The following FRMD5 variants were observed in gnomAD, a reference collection of about 807,000 sequenced individuals.
FRMD5 encodes FERM domain containing 5, also known as FERM domain-containing protein 5.
Under a neutral mutation model 69.0 loss-of-function variants are expected in FRMD5, and 20 were observed. The observed-to-expected ratio is 0.29, with a 90% CI of 0.20 to 0.42. The LOEUF (loss-of-function observed/expected upper bound fraction) is 0.42. Ranked by LOEUF, FRMD5 falls within the 10% of genes least tolerant of loss-of-function variation. The pLI, the probability that FRMD5 is intolerant of heterozygous loss-of-function variation, is 1.00. For synonymous variants in FRMD5, 271 were observed against 260.1 expected (o/e 1.04, Z -0.40); for missense variants, 595 against 708.6 (o/e 0.84, Z 1.82).
chr15:43,982,237 G>A (rs1159382142), intron 1 of FRMD5, among the ~76,000 whole-genome samples: 6 of 152,188 alleles, frequency 3.9e-5, no homozygotes, highest in African/African-American at 2.4e-5. Flanking sequence ...AGACCACTTC[G>A]ATGTCTTTGG....
At chr15:44,079,313 CT>C (rs1310223914) in intron 1 of FRMD5, among the ~76,000 whole-genome samples, 4 of 152,092 alleles carry the variant, frequency 2.6e-5, no homozygotes, top group African/African-American at 9.7e-5. Context: ...AATGCCTGCA[CT>C]TTCCTCGTGG....
At chr15:44,090,260 A>G (rs530839112) in intron 1 of FRMD5, among the ~76,000 whole-genome samples, 1 of 152,236 alleles carries the variant, frequency 6.6e-6, no homozygotes, top group Admixed American at 6.5e-5. Context: ...CTTGCCCATA[A>G]AATTACTGAG....
chr15:43,986,667 T>C (rs1165177200), intron 1 of FRMD5, among the ~76,000 whole-genome samples: 1 of 151,694 alleles, frequency 6.6e-6, no homozygotes, highest in African/African-American at 2.4e-5. Context: ...GTTTTCTCAG[T>C]ATCATAAACT....
At chr15:44,041,400 C>T (rs967462690) in intron 1 of FRMD5, among the ~76,000 whole-genome samples, 13 of 152,152 alleles carry the variant, frequency 8.5e-5, no homozygotes, top group Admixed American at 2.0e-4. Flanking sequence ...CTGCTCAGCA[C>T]CACATTGCGC....
rs2088592535 is a variant in FRMD5 at position 43,883,703 on chromosome 15, C to T, written c.1135G>A (p.Gly379Ser). 1 of 1,603,358 alleles carries T rather than the reference C, an allele frequency of 6.2e-7. No homozygotes were observed. The change falls in exon 13 of 14, where the codon GGC (glycine) becomes AGC (serine). Residue 379 changes from glycine to serine, a missense_variant and splice_region_variant. Coordinates refer to ENST00000417257, the MANE Select transcript of FRMD5 (RefSeq NM_032892.5). ...GTCACCTCAAGAAGCTCATGCTCACCTTCCATGATGGAGATGTGAACAGCT... is the reference window on the plus strand; with the variant it reads ...GTCACCTCAAGAAGCTCATGCTCACTTTCCATGATGGAGATGTGAACAGCT... Reference protein sequence around the residue: ...RRAVHISIMEGLESLRDSAHS... With the variant: ...RRAVHISIMESLESLRDSAHS...
chr15:44,165,377 A>G (rs2140511779), intron 1 of FRMD5, among the ~76,000 whole-genome samples: 3 of 152,286 alleles, frequency 2.0e-5, no homozygotes, highest in Middle Eastern at 6.8e-3. Flanking sequence ...AGCTGAGATC[A>G]TGCCACTGCA....
chr15:43,924,814 C>T (rs917522420), intron 1 of FRMD5, among the ~76,000 whole-genome samples: 1 of 152,124 alleles, frequency 6.6e-6, no homozygotes, highest in Non-Finnish European at 1.5e-5. Context: ...GTCCATTCTC[C>T]GCACAGCAAT....
intron 1 of FRMD5, among the ~76,000 whole-genome samples, chr15:44,156,114 T>C (rs2077523895): frequency 6.6e-6 from 1 of 152,156 alleles, no homozygotes; most frequent in Non-Finnish European, 1.5e-5. Context: ...GTCAGTCAAC[T>C]ACTTGCCCAA....
intron 1 of FRMD5, among the ~76,000 whole-genome samples, chr15:43,947,642 G>A (rs183717068): frequency 3.9e-5 from 6 of 152,176 alleles, no homozygotes; most frequent in South Asian, 2.1e-4. Flanking sequence ...ATCATGGACC[G>A]AGGTGAGGAC....
At chr15:44,185,435 T>A (rs1169608572) in intron 1 of FRMD5, among the ~76,000 whole-genome samples, 2 of 152,174 alleles carry the variant, frequency 1.3e-5, no homozygotes, top group African/African-American at 4.8e-5. Flanking sequence ...TCATTGCCAA[T>A]CCATGGAGTC....
chr15:44,081,102 G>A (rs149517681), intron 1 of FRMD5, among the ~76,000 whole-genome samples: 1 of 152,010 alleles, frequency 6.6e-6, no homozygotes, highest in Non-Finnish European at 1.5e-5. Flanking sequence ...GTCAAGGAAG[G>A]CTCCTTATGC....
intron 1 of FRMD5, among the ~76,000 whole-genome samples, chr15:43,956,358 T>C (rs2090115876): frequency 1.3e-5 from 2 of 152,220 alleles, no homozygotes; most frequent in South Asian, 2.1e-4. Context: ...TCAGCTCTCA[T>C]ACAAACAGCT....
intron 1 of FRMD5, among the ~76,000 whole-genome samples, chr15:43,985,970 C>T (rs1889376291): frequency 6.6e-6 from 1 of 152,306 alleles, no homozygotes; most frequent in South Asian, 2.1e-4. Context: ...TGAAGGAATG[C>T]AGGAATTGAC....
At chr15:44,095,699 T>C (rs910555272) in intron 1 of FRMD5, among the ~76,000 whole-genome samples, 2 of 152,156 alleles carry the variant, frequency 1.3e-5, no homozygotes, top group African/African-American at 4.8e-5. Context: ...TTCTGTAGCT[T>C]TTCCAGAGTT....
intron 1 of FRMD5, 58 bp downstream of exon 1, chr15:44,194,895 G>C (rs1465271104): frequency 7.1e-7 from 1 of 1,418,380 alleles, no homozygotes; most frequent in Non-Finnish European, 9.6e-7. Flanking sequence ...CGGCCAAGTT[G>C]ACCAGACTTG....
chr15:43,924,463 A>C, intron 1 of FRMD5, 154 bp from the exon 2 acceptor site: 1 of 614,828 alleles, frequency 1.6e-6, no homozygotes, highest in Non-Finnish European at 2.9e-6. Flanking sequence ...GTGATACATC[A>C]CTCACTGTCT....
intron 1 of FRMD5, among the ~76,000 whole-genome samples, chr15:44,150,386 A>G (rs2077424347): frequency 6.6e-6 from 1 of 151,824 alleles, no homozygotes; most frequent in South Asian, 2.1e-4. Context: ...ACGATATATA[A>G]TGTGTAGAAA....
chr15:44,192,659 T>G (rs2078215580), intron 1 of FRMD5, among the ~76,000 whole-genome samples: 1 of 152,170 alleles, frequency 6.6e-6, no homozygotes, highest in South Asian at 2.1e-4. Flanking sequence ...TTTCTAAATG[T>G]TCAAAAAAGC....
intron 1 of FRMD5, among the ~76,000 whole-genome samples, chr15:44,105,153 T>G (rs1007382217): frequency 2.0e-5 from 3 of 150,254 alleles, no homozygotes; most frequent in Non-Finnish European, 4.4e-5. Flanking sequence ...TACAACTCAC[T>G]GCAGCCTCGA....
Sources: gnomAD v4.1 joint callset for allele counts (sites outside exome capture counted in the v4.1 genomes callset) on GRCh38, gnomAD v4.1.1 for gene constraint, MANE v1.5 for transcripts, NCBI Gene and HGNC (gene_info 2026-07-23, HGNC 2026-07-21) for gene names.